MTCL1: variants seen among roughly 807,000 people sequenced by gnomAD.
MTCL1 encodes microtubule crosslinking factor 1, also known as microtubule cross-linking factor 1.
A neutral mutation model predicts 141.4 loss-of-function variants in MTCL1; 79 were observed. The observed-to-expected ratio is 0.56, with a 90% CI of 0.47 to 0.67. The LOEUF is 0.67. Among genes scored for constraint, MTCL1 ranks in the 30% least tolerant of loss-of-function variants. The pLI is 0.00. For missense variants in MTCL1, 2,177 were observed against 2,113.9 expected (o/e 1.03, Z -0.59); for synonymous variants, 914 against 875.8 (o/e 1.04, Z -0.77).
intron 4 of MTCL1, among the ~76,000 whole-genome samples, chr18:8,738,033 T>G (rs1329373138): frequency 6.6e-6 from 1 of 152,234 alleles, no homozygotes; most frequent in Non-Finnish European, 1.5e-5. Context: ...AGCAACAGTT[T>G]AGTCAATAAT....
In MTCL1 at chr18:8,774,628, C is replaced by T. The variant is rs1399603545; in HGVS notation, c.358-3205C>T. On this transcript the variant is annotated intron_variant, in intron 4 of 16. Transcript: ENST00000359865. ...TTTGTCTCCTGAGTAGCTGGGATTA[C>T]AGGCGTAAGCCACGACGCCCAGCTA... Among the ~76,000 whole-genome samples, 5 of 152,278 alleles carry T rather than the reference C, an allele frequency of 3.3e-5. No individual in the cohort carries two copies. In the South Asian group the frequency reaches 6.2e-4, roughly 19 times the overall value.
Position 8,822,570 on chromosome 18 carries a change from C to T in MTCL1, c.3188+1072C>T, listed in dbSNP as rs2076881296. 6.6e-6 allele frequency among the ~76,000 whole-genome samples: 1 copy of T among 151,884 alleles called. No homozygotes were observed. The stretch of plus-strand genomic sequence containing the variant: ...CCTCCCGAAGTGCTGGGATTACAGG[C>T]GTGAGCCACTGTGCCCAGCCCAAAC... On this transcript the variant is annotated intron_variant, in intron 14 of 16. Transcript: ENST00000359865. This position sits in a 1 kb window ranked among gnomAD's most constrained non-coding sequence, Gnocchi z 4.6.
At chr18:8,820,053 A>G (rs1049183591) in intron 13 of MTCL1, among the ~76,000 whole-genome samples, 1 of 152,150 alleles carries the variant, frequency 6.6e-6, no homozygotes, top group Non-Finnish European at 1.5e-5. Context: ...AGCTGTAGAC[A>G]TTTCCATGGC....
intron 4 of MTCL1, among the ~76,000 whole-genome samples, chr18:8,727,544 G>A (rs1342277398): frequency 6.6e-6 from 1 of 152,160 alleles, no homozygotes; most frequent in Non-Finnish European, 1.5e-5. Context: ...CTGATGATTA[G>A]TGATGTGGAG....
intron 4 of MTCL1, among the ~76,000 whole-genome samples, chr18:8,758,957 A>T (rs938437637): frequency 6.6e-5 from 10 of 152,062 alleles, no homozygotes; most frequent in African/African-American, 2.4e-4. Context: ...CAGTTGAAAC[A>T]CCTCCTCCGA....
At chr18:8,811,016 T>C (rs2076465265) in intron 11 of MTCL1, 1 of 152,090 alleles carries the variant, frequency 6.6e-6, no homozygotes, top group African/African-American at 2.4e-5. Flanking sequence ...AGCAAAAACT[T>C]CCAGTTTAAC....
In MTCL1 at chr18:8,786,111, C is replaced by CCCCCCCCCCCAA; in HGVS notation, c.1887+30_1887+31insAACCCCCCCCCC. 8.9e-7 allele frequency: 1 copy of CCCCCCCCCCCAA among 1,128,898 alleles called. No individual in the cohort carries two copies. Among genetic ancestry groups the CCCCCCCCCCCAA allele is most frequent in the Admixed American group, 3.0e-5 (1 of 32,878 alleles). 69.9% of individuals were successfully genotyped at this position (1,128,898 alleles called of 1,614,324 possible). A position where few individuals can be genotyped will look rare whatever the true frequency, so the allele number is the denominator to read the frequency against. ...CTGGAGGTCAGCGTGGGCAAGCAAT[C>CCCCCCCCCCCAA]CCCCCCCCCCGCCCTCCCCCTCCTT... On this transcript the variant is annotated intron_variant, in intron 7 of 16. Coordinates refer to ENST00000359865, the Ensembl canonical transcript of MTCL1.
At chr18:8,706,675 G>A in exon 1 of MTCL1, 4 of 1,546,474 alleles carry the variant, frequency 2.6e-6, no homozygotes, top group Non-Finnish European at 3.5e-6. Context: ...GCTGCTGCGG[G>A]AGATGGAGGA....
At chr18:8,772,901 G>T (rs2096490651) in intron 4 of MTCL1, among the ~76,000 whole-genome samples, 1 of 151,868 alleles carries the variant, frequency 6.6e-6, no homozygotes, top group African/African-American at 2.4e-5. Context: ...AGCTTTTAGG[G>T]ATGCTAACCC....
intron 5 of MTCL1, chr18:8,782,554 G>T (rs1018944361): frequency 1.3e-5 from 2 of 152,226 alleles, no homozygotes; most frequent in African/African-American, 4.8e-5. Context: ...TGCAGGCTGT[G>T]AACAGCAGAG....
At chr18:8,780,333 G>T (rs941509041) in intron 5 of MTCL1, among the ~76,000 whole-genome samples, 1 of 152,204 alleles carries the variant, frequency 6.6e-6, no homozygotes, top group Non-Finnish European at 1.5e-5. Flanking sequence ...GCACCTCCTG[G>T]ACTGGCTCCA....
At chr18:8,726,503 G>A (rs1327638076) in intron 4 of MTCL1, among the ~76,000 whole-genome samples, 2 of 89,000 alleles carry the variant, frequency 2.2e-5, no homozygotes, top group Non-Finnish European at 5.1e-5. Flanking sequence ...GAGCGCGCGC[G>A]CGCGCAAGAG....
At position 8,705,790 on chromosome 18, in the gene MTCL1, C is replaced by T. The variant is rs2096056833; in HGVS notation, c.130C>T (p.Pro44Ser). 2 of 1,195,518 alleles carry T rather than the reference C, an allele frequency of 1.7e-6. No homozygotes were observed. The highest frequency in any genetic ancestry group is 8.3e-5 in the South Asian group (2 of 24,074). 74.1% of individuals were successfully genotyped at this position (1,195,518 alleles called of 1,614,324 possible). A position where few individuals can be genotyped will look rare whatever the true frequency, so the allele number is the denominator to read the frequency against. The change falls in exon 1 of 14, where the codon CCC (proline) becomes TCC (serine). Residue 44 changes from proline (P) to serine (S), a missense_variant. By Grantham distance (74) the Pro-to-Ser change is moderately conservative. Transcript: ENST00000306329. The surrounding 1 kb of genome is among the most constrained non-coding windows in gnomAD (Gnocchi z 5.2). Reference sequence around the variant, plus strand: ...GCGGCGGCTGCACCGTGCGCCCTCGCCCGCCAGACCCTTCCTCAAGGACCT... The same window carrying T: ...GCGGCGGCTGCACCGTGCGCCCTCGTCCGCCAGACCCTTCCTCAAGGACCT...
At chr18:8,777,019 C>T (rs553412444) in intron 4 of MTCL1, among the ~76,000 whole-genome samples, 9 of 151,942 alleles carry the variant, frequency 5.9e-5, no homozygotes, top group African/African-American at 1.7e-4. Flanking sequence ...TGGATCACGA[C>T]GTCAGGAGAT....
chr18:8,710,457 C>CTTTTTTTTTTTTTTT (rs59830434), intron 1 of MTCL1, among the ~76,000 whole-genome samples: 1 of 121,818 alleles, frequency 8.2e-6, no homozygotes, highest in Non-Finnish European at 1.7e-5. Flanking sequence ...CAGGCACTTT[C>CTTTTTTTTTTTTTTT]TTTTTTTTTT....
At chr18:8,723,817 C>T (rs896401483) in intron 4 of MTCL1, among the ~76,000 whole-genome samples, 7 of 152,190 alleles carry the variant, frequency 4.6e-5, no homozygotes, top group African/African-American at 1.7e-4. Flanking sequence ...TCGGCTTTTG[C>T]AGGCTTTAGA....
rs752491656 is a variant in MTCL1 at position 8,763,425 on chromosome 18, C to T, written c.358-14408C>T. 5.9e-5 allele frequency among the ~76,000 whole-genome samples: 9 copies of T among 152,330 alleles called. No individual in the cohort carries two copies. The South Asian group carries it at 6.2e-4, about 11-fold the overall frequency. On this transcript the variant is annotated intron_variant, in intron 4 of 16. Transcript: ENST00000359865. Reference sequence around the variant, plus strand: ...CATTTTTTCCAATTGGATGCCAGTTCACTTCCAAAGAGATGTCATGTGCCT... The same window carrying T: ...CATTTTTTCCAATTGGATGCCAGTTTACTTCCAAAGAGATGTCATGTGCCT...
At chr18:8,756,321 G>T (rs1311039305) in intron 4 of MTCL1, among the ~76,000 whole-genome samples, 1 of 151,298 alleles carries the variant, frequency 6.6e-6, no homozygotes, top group Non-Finnish European at 1.5e-5. Context: ...GTGTATGTAT[G>T]TGTGTATATA....
At chr18:8,772,706 T>C (rs1162654878) in intron 4 of MTCL1, among the ~76,000 whole-genome samples, 1 of 151,770 alleles carries the variant, frequency 6.6e-6, no homozygotes, top group Non-Finnish European at 1.5e-5. Context: ...AAATATATTT[T>C]AAGCATTTTG....
Sources: gnomAD v4.1 joint callset for allele counts (sites outside exome capture counted in the v4.1 genomes callset) on GRCh38, gnomAD v4.1.1 for gene constraint, Gnocchi (gnomAD v3.1) non-coding constraint, MANE v1.5 for transcripts, NCBI Gene and HGNC (gene_info 2026-07-23, HGNC 2026-07-21) for gene names.